The following VAT1L variants were observed in gnomAD, a reference collection of about 807,000 sequenced individuals.
VAT1L encodes the protein vesicle amine transport 1 like.
In VAT1L, 34 loss-of-function variants were observed where a neutral mutation model predicts 44.1. The ratio of observed to expected loss-of-function variants is 0.77; its 90% CI spans 0.59 to 1.03. The LOEUF is 1.03. VAT1L is among the 50% of genes least tolerant of loss of function. VAT1L has a pLI of 0.00. For synonymous variants in VAT1L, 253 were observed against 202.2 expected (o/e 1.25, Z -2.13); for missense variants, 615 against 538.8 (o/e 1.14, Z -1.40).
intron 7 of VAT1L, among the ~76,000 whole-genome samples, chr16:77,898,491 G>A (rs569962013): frequency 2.6e-5 from 4 of 152,320 alleles, no homozygotes; most frequent in Admixed American, 2.0e-4. Flanking sequence ...AGTTATAGCT[G>A]TGATTTCTTA....
At chr16:77,917,729 C>G (rs1261950439) in intron 7 of VAT1L, among the ~76,000 whole-genome samples, 1 of 152,144 alleles carries the variant, frequency 6.6e-6, no homozygotes. Context: ...TTTCTGGTTC[C>G]AGTAAATTCC....
At chr16:77,815,528 C>A (rs2016335058) in intron 1 of VAT1L, among the ~76,000 whole-genome samples, 1 of 152,162 alleles carries the variant, frequency 6.6e-6, no homozygotes, top group Non-Finnish European at 1.5e-5. Flanking sequence ...GAGTTTTGAG[C>A]CCAGACTTCA....
rs934571679 is a variant in VAT1L, at chr16:77,789,071, G to A, written c.233+156G>A. Among the ~76,000 whole-genome samples, 17 of 152,218 alleles carry A rather than the reference G, an allele frequency of 1.1e-4. 1 individual carries two copies. Among genetic ancestry groups the A allele is most frequent in the African/African-American group, 3.6e-4 (15 of 41,562 alleles). ...GGTCTCAGAGCCTCCCCGGGCCAAA[G>A]CTGGGGAGGATGCAGAGGGGCGGCC... On this transcript the variant is annotated intron_variant, in intron 1 of 8. Coordinates refer to ENST00000302536, the MANE Select transcript of VAT1L (RefSeq NM_020927.3).
At chr16:77,876,524 T>A (rs747569063) in intron 5 of VAT1L, 51 bp downstream of exon 5, 53 of 1,502,346 alleles carry the variant, frequency 3.5e-5, no homozygotes, top group Non-Finnish European at 4.3e-5. Context: ...TACCTCTACA[T>A]ATGTGCCTGC....
chr16:77,829,265 C>T (rs2016554588), intron 3 of VAT1L, among the ~76,000 whole-genome samples: 1 of 152,176 alleles, frequency 6.6e-6, no homozygotes, highest in Non-Finnish European at 1.5e-5. Context: ...TATTTGCTAA[C>T]TTGGTGTCGA....
rs12445382 is a variant in VAT1L, at chr16:77,926,040, G to C, written c.1077+41238G>C. Among the ~76,000 whole-genome samples, 4 of 148,576 alleles carry C rather than the reference G, an allele frequency of 2.7e-5. No individual in the cohort carries two copies. The East Asian group carries it at 8.2e-4, about 30-fold the overall frequency. ...CACTTTGGGAGGCCGAGGCGGGTGG[G>C]TCACGAGGTCAGGAGATCGAGACCA... On this transcript the variant is annotated intron_variant, in intron 7 of 8. Coordinates refer to ENST00000302536, the MANE Select transcript of VAT1L (RefSeq NM_020927.3).
chr16:77,882,290 T>A (rs146369634), intron 6 of VAT1L: 181 of 152,370 alleles, frequency 1.2e-3, no homozygotes, highest in African/African-American at 4.1e-3. Context: ...CATCTTAAAA[T>A]CGCTGCAGTT....
chr16:77,805,743 C>T (rs1400550117), intron 1 of VAT1L, among the ~76,000 whole-genome samples: 2 of 152,030 alleles, frequency 1.3e-5, no homozygotes, highest in African/African-American at 2.4e-5. Flanking sequence ...TCTCCGACTT[C>T]CCACAGACAC....
intron 1 of VAT1L, among the ~76,000 whole-genome samples, chr16:77,806,973 GT>G (rs1567470655): frequency 1.3e-5 from 2 of 152,144 alleles, no homozygotes; most frequent in South Asian, 4.1e-4. Context: ...GATACTTTCT[GT>G]GAGAAGCACC....
In VAT1L at chr16:77,971,869, G is replaced by A. The variant is rs780115520; in HGVS notation, c.1097G>A (p.Arg366Gln). 3.1e-6 allele frequency: 5 copies of A among 1,613,782 alleles called. No individual in the cohort carries two copies. In the South Asian group the frequency reaches 3.3e-5, roughly 11 times the overall value. Residue 366 changes from arginine (R) to glutamine (Q), a missense_variant, in exon 8 of 9, where the codon CGG (arginine) becomes CAG (glutamine). Physicochemically the swap from Arg to Gln is conservative, Grantham distance 43. Transcript: ENST00000302536. ...GCGCAGGTGAAGGAGGCCATGCAGC[G>A]GATTCACGACCGAGGGAACATTGGC... ...ALEEVKEAMQ[R>Q]IHDRGNIGKL... is the part of the protein sequence containing the mutation.
intron 3 of VAT1L, among the ~76,000 whole-genome samples, chr16:77,846,665 G>A (rs2016760697): frequency 1.3e-5 from 2 of 152,224 alleles, no homozygotes; most frequent in Middle Eastern, 6.8e-3. Flanking sequence ...CTGAAATACA[G>A]TTTATAATAC....
chr16:77,959,114 G>C (rs445289), intron 7 of VAT1L, among the ~76,000 whole-genome samples: 142,854 of 152,234 alleles, frequency 0.94, 67,716 homozygotes, highest in Middle Eastern at 1. Flanking sequence ...AATTTTGCAC[G>C]CCAGTCACCT....
chr16:77,944,781 T>C (rs1169073430), intron 7 of VAT1L, among the ~76,000 whole-genome samples: 1 of 152,202 alleles, frequency 6.6e-6, no homozygotes, highest in Non-Finnish European at 1.5e-5. Context: ...CCTTAAACAG[T>C]TGTGGGTGGC....
intron 3 of VAT1L, among the ~76,000 whole-genome samples, chr16:77,843,623 A>G (rs2016729143): frequency 6.6e-6 from 1 of 152,202 alleles, no homozygotes; most frequent in Non-Finnish European, 1.5e-5. Context: ...AGCAGCAGCT[A>G]AAAGGAGCCC....
intron 7 of VAT1L, among the ~76,000 whole-genome samples, chr16:77,907,052 A>G (rs760151367): frequency 5.3e-5 from 8 of 152,236 alleles, no homozygotes; most frequent in Non-Finnish European, 2.9e-5. Context: ...ACACAGTGAA[A>G]TGCTGGTAAA....
At chr16:77,830,255 A>G (rs946340330) in intron 3 of VAT1L, among the ~76,000 whole-genome samples, 2 of 152,128 alleles carry the variant, frequency 1.3e-5, no homozygotes, top group African/African-American at 2.4e-5. Flanking sequence ...GCCTTTTCAT[A>G]TGCTGTTTTT....
At chr16:77,870,464 C>T (rs181630732) in intron 4 of VAT1L, among the ~76,000 whole-genome samples, 287 of 152,244 alleles carry the variant, frequency 1.9e-3, no homozygotes, top group Middle Eastern at 6.8e-3. Flanking sequence ...CTCTAAGTAC[C>T]GCCTCTGTTG....
intron 1 of VAT1L, among the ~76,000 whole-genome samples, chr16:77,797,391 G>T (rs796507991): frequency 6.6e-6 from 1 of 152,176 alleles, no homozygotes; most frequent in African/African-American, 2.4e-5. Context: ...GATTACAGGC[G>T]TGAGCCACCG....
chr16:77,974,301 C>G (rs1257611621), intron 8 of VAT1L, among the ~76,000 whole-genome samples: 1 of 152,136 alleles, frequency 6.6e-6, no homozygotes, highest in Non-Finnish European at 1.5e-5. Context: ...CTTTCAGTCC[C>G]ATTTGGAGAA....
Sources: gnomAD v4.1 joint callset for allele counts (sites outside exome capture counted in the v4.1 genomes callset) on GRCh38, gnomAD v4.1.1 for gene constraint, MANE v1.5 for transcripts, NCBI Gene and HGNC (gene_info 2026-07-23, HGNC 2026-07-21) for gene names.